The following CDH13 variants were observed in gnomAD, a reference collection of about 807,000 sequenced individuals.
CDH13 encodes the protein cadherin 13, also known as cadherin-13.
CDH13 carries 24 observed loss-of-function variants against 63.8 expected under a neutral mutation model. The ratio of observed to expected loss-of-function variants is 0.38; its 90% CI spans 0.27 to 0.53. The LOEUF (loss-of-function observed/expected upper bound fraction) is 0.53. Among genes scored for constraint, CDH13 ranks in the 20% least tolerant of loss-of-function variants. The pLI is 0.85. For synonymous variants in CDH13, 503 were observed against 355.3 expected (o/e 1.42, Z -4.67); for missense variants, 1,049 against 903.1 (o/e 1.16, Z -2.07).
chr16:83,524,509 G>C (rs1282129427), intron 7 of CDH13, among the ~76,000 whole-genome samples: 1 of 141,822 alleles, frequency 7.1e-6, no homozygotes, highest in African/African-American at 2.7e-5. Context: ...CTGGACTGCA[G>C]TGGCGCGCTC....
At chr16:83,165,279 C>G (rs1170621162) in intron 4 of CDH13, among the ~76,000 whole-genome samples, 1 of 152,008 alleles carries the variant, frequency 6.6e-6, no homozygotes, top group Non-Finnish European at 1.5e-5. Flanking sequence ...AAAAAGGATT[C>G]TGTTGGCAAA....
chr16:82,714,020 C>T (rs1292461912), intron 1 of CDH13, among the ~76,000 whole-genome samples: 2 of 152,066 alleles, frequency 1.3e-5, no homozygotes, highest in African/African-American at 4.8e-5. Context: ...GCTGGTCTCA[C>T]ACTCCTGACC....
In CDH13 at chr16:83,228,708, G is replaced by C. The variant is rs377641435; in HGVS notation, c.636+11211G>C. Among the ~76,000 whole-genome samples, 354 of 152,326 alleles carry C rather than the reference G, an allele frequency of 2.3e-3. 2 individuals carry two copies. Among genetic ancestry groups the C allele is most frequent in the South Asian group, 5.4e-3 (26 of 4,822 alleles). On this transcript the variant is annotated intron_variant, in intron 5 of 13. Transcript: ENST00000567109. Reference sequence around the variant, plus strand: ...AGTGCGTGCAGTTTAGAGCAGACGAGGGTGGGGCCATGGCAGGGCTTGACT... The same window carrying C: ...AGTGCGTGCAGTTTAGAGCAGACGACGGTGGGGCCATGGCAGGGCTTGACT...
At chr16:82,961,600 C>T (rs1026852932) in intron 2 of CDH13, among the ~76,000 whole-genome samples, 2 of 132,190 alleles carry the variant, frequency 1.5e-5, no homozygotes, top group African/African-American at 6.6e-5. Context: ...AAAAAAACTA[C>T]TGGTACTTGG....
intron 7 of CDH13, among the ~76,000 whole-genome samples, chr16:83,596,470 T>C (rs1369812169): frequency 6.6e-6 from 1 of 152,150 alleles, no homozygotes; most frequent in African/African-American, 2.4e-5. Context: ...ACATGACAAG[T>C]GGCCACTGGG....
chr16:83,261,278 CT>C (rs1390524557), intron 5 of CDH13, among the ~76,000 whole-genome samples: 1 of 152,184 alleles, frequency 6.6e-6, no homozygotes, highest in Non-Finnish European at 1.5e-5. Flanking sequence ...TAAACACCAA[CT>C]CTGTGGAAAG....
At position 82,978,840 on chromosome 16, in the gene CDH13, G is replaced by A. The variant is rs529786498; in HGVS notation, c.158-53170G>A. 4.6e-5 allele frequency among the ~76,000 whole-genome samples: 7 copies of A among 151,908 alleles called. No individual in the cohort carries two copies. The East Asian group carries it at 1.4e-3, about 30-fold the overall frequency. On this transcript the variant is annotated intron_variant, in intron 2 of 13. Coordinates refer to ENST00000567109, the MANE Select transcript of CDH13 (RefSeq NM_001257.5). ...ACTGCTTAGTGGAGCTGTGAGAAGA[G>A]GGTCACCATCCTCCATACCCCAAAA...
chr16:83,415,970 T>C (rs186799946), intron 6 of CDH13, among the ~76,000 whole-genome samples: 2 of 152,280 alleles, frequency 1.3e-5, no homozygotes, highest in East Asian at 1.9e-4. Context: ...TCCCGGTTTG[T>C]AGACAAAATG....
rs746904500 is a variant in CDH13, at chr16:83,000,223, A to ATTTT, written c.158-31749_158-31746dup. 3.1e-3 allele frequency among the ~76,000 whole-genome samples: 115 copies of ATTTT among 36,956 alleles called. 11 individuals carry two copies. Among genetic ancestry groups the ATTTT allele is most frequent in the Non-Finnish European group, 5.4e-3 (90 of 16,768 alleles). The allele number at this position is 36,956 out of a possible 152,430, so 24.2% of individuals were successfully genotyped here. A position where few individuals can be genotyped will look rare whatever the true frequency, so the allele number is the denominator to read the frequency against. ...CTAGGAATATCCACAGGTTTAGCTT[A>ATTTT]TTTTTTTTTTTTTTTTTTTTTTTTT... is the stretch of plus-strand genomic sequence containing the variant. On this transcript the variant is annotated intron_variant, in intron 2 of 13. Transcript: ENST00000567109.
At chr16:82,637,428 CTTTTTTT>C (rs573088098) in intron 1 of CDH13, among the ~76,000 whole-genome samples, 1 of 81,654 alleles carries the variant, frequency 1.2e-5, no homozygotes, top group Non-Finnish European at 2.2e-5. Flanking sequence ...GTTACTGTGC[CTTTTTTT>C]TTTTTTTTTT....
At chr16:83,060,271 T>C (rs1398257982) in intron 3 of CDH13, among the ~76,000 whole-genome samples, 4 of 152,174 alleles carry the variant, frequency 2.6e-5, no homozygotes, top group African/African-American at 9.6e-5. Flanking sequence ...TTAAAGAATA[T>C]AGGTCATTTG....
chr16:82,786,328 G>C (rs1405265753), intron 1 of CDH13, among the ~76,000 whole-genome samples: 2 of 151,844 alleles, frequency 1.3e-5, no homozygotes, highest in Admixed American at 6.6e-5. Context: ...TAATTTATGG[G>C]ACAAAATGGA....
chr16:83,192,982 AT>A lies in CDH13; in HGVS notation c.484-24360del, dbSNP rs534873912. Among the ~76,000 whole-genome samples the A allele has an allele frequency of 1.5e-3, 222 of 152,226 alleles. 2 individuals are homozygous for A. The highest frequency in any genetic ancestry group is 0.011 in the Admixed American group (175 of 15,270). ...GAGGAACTATGTACTTGGGCTTTGTATTTGGAGATTTTGGCAAAGATGGAGG... is the reference window on the plus strand; with the variant it reads ...GAGGAACTATGTACTTGGGCTTTGTATTGGAGATTTTGGCAAAGATGGAGG... On this transcript the variant is annotated intron_variant, in intron 4 of 13. Transcript: ENST00000567109.
chr16:83,139,337 C>A (rs1449711556), intron 4 of CDH13, among the ~76,000 whole-genome samples: 1 of 152,198 alleles, frequency 6.6e-6, no homozygotes, highest in African/African-American at 2.4e-5. Flanking sequence ...AATTTGAAAA[C>A]TTTTATTTTA....
At chr16:83,442,868 T>G (rs1477674461) in intron 6 of CDH13, among the ~76,000 whole-genome samples, 1 of 152,266 alleles carries the variant, frequency 6.6e-6, no homozygotes, top group African/African-American at 2.4e-5. Context: ...AAGGGACATT[T>G]CTGTTATTTT....
At chr16:83,187,839 C>T (rs1004138985) in intron 4 of CDH13, among the ~76,000 whole-genome samples, 1 of 152,014 alleles carries the variant, frequency 6.6e-6, no homozygotes, top group Non-Finnish European at 1.5e-5. Context: ...CTATGGAGGT[C>T]AATGGCTAGA....
chr16:82,635,482 G>A (rs1033112554), intron 1 of CDH13, among the ~76,000 whole-genome samples: 3 of 152,210 alleles, frequency 2.0e-5, no homozygotes, highest in Non-Finnish European at 4.4e-5. Context: ...AGAGCCAATG[G>A]GGCCATGTCA....
rs141657272 is a variant in CDH13 at position 83,695,077 on chromosome 16, C to T, written c.1538+16616C>T. Among the ~76,000 whole-genome samples, 838 of 152,134 alleles carry T rather than the reference C, an allele frequency of 5.5e-3. 7 individuals carry two copies. Among genetic ancestry groups the T allele is most frequent in the African/African-American group, 0.019 (791 of 41,508 alleles). ...CAAAAATTAGCCAGGTGTGGTGGCG[C>T]GTGCCCATAGTCCCAGCTATTCAGG... is the stretch of plus-strand genomic sequence containing the variant. On this transcript the variant is annotated intron_variant, in intron 10 of 13. Transcript: ENST00000567109.
intron 6 of CDH13, among the ~76,000 whole-genome samples, chr16:83,399,039 A>G (rs574155742): frequency 3.3e-5 from 5 of 152,354 alleles, no homozygotes; most frequent in South Asian, 2.1e-4. Flanking sequence ...GCCATAGACC[A>G]TTCAAATGCT....
Sources: allele counts gnomAD v4.1 joint callset (sites outside exome capture counted in the v4.1 genomes callset), GRCh38; gene constraint gnomAD v4.1.1; transcripts MANE v1.5; gene names NCBI Gene and HGNC (gene_info 2026-07-23, HGNC 2026-07-21).